Variants in TSHZ2 observed in about 807,000 individuals in gnomAD.
The protein encoded by TSHZ2 is teashirt homolog 2.
TSHZ2 carries 21 observed loss-of-function variants against 74.4 expected under a neutral mutation model. The observed-to-expected ratio is 0.28, with a 90% CI of 0.20 to 0.41. The LOEUF (loss-of-function observed/expected upper bound fraction) is 0.41, where lower values mean the gene tolerates loss of function less well. Among genes scored for constraint, TSHZ2 ranks in the 10% least tolerant of loss-of-function variants. The pLI is 1.00. For missense variants in TSHZ2, 1,244 were observed against 1,293.5 expected, an observed-to-expected ratio of 0.96 and a Z score of 0.59; for synonymous variants, 540 against 515.3, an observed-to-expected ratio of 1.05 and a Z score of -0.65.
chr20:53,293,877 G>A (rs1289402933), intron 2 of TSHZ2, among the ~76,000 whole-genome samples: 6 of 151,696 alleles, frequency 4.0e-5, no homozygotes, highest in South Asian at 4.2e-4. Flanking sequence ...TTAGCTGGGC[G>A]CAGTGGTGCA....
At chr20:53,135,028 A>ACACACG (rs1426023812) in intron 1 of TSHZ2, among the ~76,000 whole-genome samples, 1 of 150,972 alleles carries the variant, frequency 6.6e-6, no homozygotes, top group Admixed American at 6.6e-5. Flanking sequence ...ACACACACAC[A>ACACACG]CACACACAAG....
chr20:53,452,087 T>C (rs975178898), intron 2 of TSHZ2, among the ~76,000 whole-genome samples: 2 of 152,146 alleles, frequency 1.3e-5, no homozygotes, highest in Non-Finnish European at 2.9e-5. Context: ...CAAAGGGAAG[T>C]CAGTAACCCC....
intron 1 of TSHZ2, among the ~76,000 whole-genome samples, chr20:53,059,866 G>C (rs1236009585): frequency 6.6e-6 from 1 of 152,176 alleles, no homozygotes; most frequent in Admixed American, 6.5e-5. Context: ...GGAATACCCA[G>C]TCGTTCAAAA....
intron 1 of TSHZ2, among the ~76,000 whole-genome samples, chr20:53,142,871 T>C (rs966442557): frequency 3.9e-5 from 6 of 152,064 alleles, no homozygotes; most frequent in African/African-American, 1.4e-4. Context: ...ATCAGCCCAT[T>C]GCATGTAAGA....
chr20:53,464,502 G>A (rs1409353875), intron 2 of TSHZ2, among the ~76,000 whole-genome samples: 1 of 152,094 alleles, frequency 6.6e-6, no homozygotes, highest in Non-Finnish European at 1.5e-5. Flanking sequence ...CTCTCTCATT[G>A]CGCAGGCTAG....
At chr20:53,369,176 G>A (rs1392180128) in intron 2 of TSHZ2, among the ~76,000 whole-genome samples, 2 of 152,050 alleles carry the variant, frequency 1.3e-5, no homozygotes, top group Admixed American at 1.3e-4. Flanking sequence ...GAGGTGGGAG[G>A]ATCACCTGAT....
chr20:53,444,388 G>C (rs377761003), intron 2 of TSHZ2, among the ~76,000 whole-genome samples: 2 of 152,134 alleles, frequency 1.3e-5, no homozygotes, highest in Non-Finnish European at 2.9e-5. Flanking sequence ...GTCTCTATTA[G>C]GTGAGTGCCG....
intron 2 of TSHZ2, among the ~76,000 whole-genome samples, chr20:53,348,183 C>T (rs966204310): frequency 4.6e-5 from 7 of 152,278 alleles, no homozygotes; most frequent in South Asian, 4.1e-4. Context: ...AGTGTTCTAA[C>T]GAAAACTTTT....
chr20:53,295,505 G>A (rs1044935480), intron 2 of TSHZ2, among the ~76,000 whole-genome samples: 3 of 151,992 alleles, frequency 2.0e-5, no homozygotes, highest in Non-Finnish European at 2.9e-5. Context: ...ATCATAAAGC[G>A]GTGTTTCCCT....
intron 1 of TSHZ2, among the ~76,000 whole-genome samples, chr20:53,160,491 G>A (rs1007597047): frequency 2.0e-5 from 3 of 152,026 alleles, no homozygotes; most frequent in Admixed American, 2.0e-4. Flanking sequence ...TTTCAGGGCC[G>A]GGGGCAGTGG....
At chr20:53,246,404 C>A (rs1189040868) in intron 1 of TSHZ2, among the ~76,000 whole-genome samples, 2 of 152,166 alleles carry the variant, frequency 1.3e-5, no homozygotes. Flanking sequence ...GTCCTCCAGA[C>A]AAGTGTCCAG....
At chr20:53,309,316 A>T (rs1358997514) in intron 2 of TSHZ2, among the ~76,000 whole-genome samples, 1 of 152,202 alleles carries the variant, frequency 6.6e-6, no homozygotes, top group African/African-American at 2.4e-5. Flanking sequence ...GAATTTTAGG[A>T]TATTAGCTCT....
chr20:53,142,380 C>A (rs1218663985), intron 1 of TSHZ2, among the ~76,000 whole-genome samples: 1 of 152,160 alleles, frequency 6.6e-6, no homozygotes, highest in East Asian at 1.9e-4. Context: ...TTCCAAATGC[C>A]CAGGAGGAAA....
intron 1 of TSHZ2, among the ~76,000 whole-genome samples, chr20:52,997,726 A>G (rs894861700): frequency 6.6e-6 from 1 of 152,228 alleles, no homozygotes; most frequent in Non-Finnish European, 1.5e-5. Context: ...CTAGGAAAGA[A>G]CAGCAACTCC....
At chr20:53,451,076 C>G (rs1157188903) in intron 2 of TSHZ2, among the ~76,000 whole-genome samples, 4 of 152,030 alleles carry the variant, frequency 2.6e-5, no homozygotes, top group Admixed American at 2.0e-4. Context: ...AACTCCAAAC[C>G]AACATGCCAT....
At chr20:53,204,845 G>C (rs1188843398) in intron 1 of TSHZ2, among the ~76,000 whole-genome samples, 6 of 152,094 alleles carry the variant, frequency 3.9e-5, no homozygotes, top group Admixed American at 3.3e-4. Flanking sequence ...ACTTTGGGAG[G>C]CCGAGGCGGG....
chr20:53,046,869 G>A (rs900761468), intron 1 of TSHZ2, among the ~76,000 whole-genome samples: 9 of 152,176 alleles, frequency 5.9e-5, no homozygotes, highest in Admixed American at 3.3e-4. Flanking sequence ...CTTCACAAAA[G>A]GTCTGGCTCA....
At chr20:53,363,441 T>C (rs1031792102) in intron 2 of TSHZ2, among the ~76,000 whole-genome samples, 3 of 152,206 alleles carry the variant, frequency 2.0e-5, no homozygotes, top group African/African-American at 4.8e-5. Context: ...CCAAGGAGCA[T>C]ATCATTGGGA....
In TSHZ2 at chr20:53,074,821, T is replaced by C. The variant is rs1026436412; in HGVS notation, c.40+101488T>C. On this transcript the variant is annotated intron_variant, in intron 1 of 2. Coordinates refer to ENST00000371497, the MANE Select transcript of TSHZ2 (RefSeq NM_173485.6). This position sits in a 1 kb window ranked among gnomAD's most constrained non-coding sequence, Gnocchi z 5.9. Reference sequence around the variant, plus strand: ...TTTCAACAGAGATATGTATTGTTAGTCCCATTTAACAGATGAAGCAATTGA... The same window carrying C: ...TTTCAACAGAGATATGTATTGTTAGCCCCATTTAACAGATGAAGCAATTGA... Among the ~76,000 whole-genome samples, 2 of 152,190 alleles carry C rather than the reference T, an allele frequency of 1.3e-5. No homozygotes were observed. Among genetic ancestry groups the C allele is most frequent in the African/African-American group, 4.8e-5 (2 of 41,448 alleles).
Sources: gnomAD v4.1 joint callset for allele counts (sites outside exome capture counted in the v4.1 genomes callset) on GRCh38, gnomAD v4.1.1 for gene constraint, Gnocchi (gnomAD v3.1) non-coding constraint, MANE v1.5 for transcripts, NCBI Gene and HGNC (gene_info 2026-07-23, HGNC 2026-07-21) for gene names.